RNF150: variants seen among roughly 807,000 people sequenced by gnomAD.
RNF150 encodes ring finger protein 150.
In RNF150, 24 loss-of-function variants were observed where a neutral mutation model predicts 39.3. That is an observed-to-expected ratio of 0.61 (90% CI 0.44 to 0.86). RNF150 has a LOEUF of 0.86. Among genes scored for constraint, RNF150 ranks in the 40% least tolerant of loss-of-function variants. The probability of loss-of-function intolerance (pLI) is 0.00; values close to 1 mark genes in which losing one functional copy is unlikely to be tolerated. For synonymous variants in RNF150, 255 were observed against 227.3 expected (o/e 1.12, Z -1.10); for missense variants, 502 against 587.8 (o/e 0.85, Z 1.51).
At chr4:141,160,405 T>C (rs1727489949) in intron 1 of RNF150, among the ~76,000 whole-genome samples, 1 of 152,224 alleles carries the variant, frequency 6.6e-6, no homozygotes, top group African/African-American at 2.4e-5. Context: ...TGTATATTTG[T>C]ATAAATCTAA....
At chr4:141,004,164 C>T (rs1483304780) in intron 1 of RNF150, among the ~76,000 whole-genome samples, 3 of 149,798 alleles carry the variant, frequency 2.0e-5, no homozygotes, top group Non-Finnish European at 3.0e-5. Context: ...CGAACAACAA[C>T]AACAAAAATA....
intron 1 of RNF150, among the ~76,000 whole-genome samples, chr4:141,044,032 A>G (rs974383981): frequency 2.6e-5 from 4 of 152,178 alleles, no homozygotes; most frequent in African/African-American, 9.6e-5. Context: ...GGGTTGAAGT[A>G]AATGTATTCT....
chr4:141,010,278 A>AT (rs1383917895), intron 1 of RNF150, among the ~76,000 whole-genome samples: 2 of 152,182 alleles, frequency 1.3e-5, no homozygotes, highest in African/African-American at 4.8e-5. Flanking sequence ...AGATCCTTAC[A>AT]TTTTTTAACA....
chr4:140,947,884 AC>A, intron 3 of RNF150, 148 bp from the exon 4 acceptor site: 2 of 549,140 alleles, frequency 3.6e-6, no homozygotes, highest in Non-Finnish European at 3.2e-6. Flanking sequence ...CATCAATTGG[AC>A]TAGTTTCCAT....
chr4:140,974,975 A>G (rs7671053), intron 1 of RNF150, among the ~76,000 whole-genome samples: 146,540 of 152,208 alleles, frequency 0.96, 70,769 homozygotes, highest in East Asian at 1. Flanking sequence ...AGCATTTGAG[A>G]CTGGGCATGG....
chr4:140,879,556 A>C (rs1385419328), intron 6 of RNF150, among the ~76,000 whole-genome samples: 1 of 151,970 alleles, frequency 6.6e-6, no homozygotes, highest in Non-Finnish European at 1.5e-5. Context: ...CTAATCTTTT[A>C]TGTTAATTTT....
At chr4:140,990,298 G>A (rs953431913) in intron 1 of RNF150, among the ~76,000 whole-genome samples, 10 of 152,098 alleles carry the variant, frequency 6.6e-5, no homozygotes, top group South Asian at 2.1e-4. Context: ...AAATGACTCC[G>A]AAGTAAAATA....
At chr4:141,034,398 C>T (rs1349618941) in intron 1 of RNF150, among the ~76,000 whole-genome samples, 1 of 152,264 alleles carries the variant, frequency 6.6e-6, no homozygotes, top group East Asian at 1.9e-4. Flanking sequence ...AATCTTCTAC[C>T]TAGACCACTC....
At chr4:141,080,914 C>G (rs1300604491) in intron 1 of RNF150, among the ~76,000 whole-genome samples, 1 of 152,142 alleles carries the variant, frequency 6.6e-6, no homozygotes, top group African/African-American at 2.4e-5. Context: ...AGCCGGTGGG[C>G]CGAATGTGAG....
chr4:140,909,734 G>C (rs1360963598), intron 6 of RNF150, among the ~76,000 whole-genome samples: 1 of 152,076 alleles, frequency 6.6e-6, no homozygotes, highest in Non-Finnish European at 1.5e-5. Flanking sequence ...TCAAAACAAA[G>C]GGGTCAAAAT....
intron 1 of RNF150, among the ~76,000 whole-genome samples, chr4:141,008,429 C>A (rs1734949419): frequency 6.6e-6 from 1 of 151,904 alleles, no homozygotes; most frequent in Admixed American, 6.6e-5. Flanking sequence ...TAATTAAGTC[C>A]AATTTATTAA....
At chr4:140,889,540 T>C (rs1729688508) in intron 6 of RNF150, among the ~76,000 whole-genome samples, 1 of 152,230 alleles carries the variant, frequency 6.6e-6, no homozygotes, top group South Asian at 2.1e-4. Flanking sequence ...GTTTGGTACC[T>C]CTTTAAAAAT....
At chr4:140,920,422 A>C (rs1046052148) in intron 5 of RNF150, among the ~76,000 whole-genome samples, 1 of 146,156 alleles carries the variant, frequency 6.8e-6, no homozygotes, top group African/African-American at 2.5e-5. Flanking sequence ...TGCAGCCAAA[A>C]AACACATGAA....
At chr4:141,016,619 A>C (rs1183479254) in intron 1 of RNF150, among the ~76,000 whole-genome samples, 1 of 152,252 alleles carries the variant, frequency 6.6e-6, no homozygotes, top group Non-Finnish European at 1.5e-5. Flanking sequence ...GAGTGAAGCC[A>C]GGAACCTGCC....
At chr4:140,951,742 G>T (rs958320982) in intron 2 of RNF150, among the ~76,000 whole-genome samples, 1 of 152,136 alleles carries the variant, frequency 6.6e-6, no homozygotes, top group African/African-American at 2.4e-5. Flanking sequence ...GAAAGGTATT[G>T]AGAAAGGGCT....
chr4:141,177,417 A>G (rs1727832213), intron 1 of RNF150, among the ~76,000 whole-genome samples: 1 of 151,802 alleles, frequency 6.6e-6, no homozygotes, highest in South Asian at 2.1e-4. Flanking sequence ...TGTAAATTTG[A>G]TTATCTCTCT....
At chr4:141,206,313 G>C (rs1204783020) in intron 1 of RNF150, among the ~76,000 whole-genome samples, 1 of 151,458 alleles carries the variant, frequency 6.6e-6, no homozygotes, top group Non-Finnish European at 1.5e-5. Flanking sequence ...CAGCTACTTG[G>C]GAGGCTGAGA....
intron 1 of RNF150, among the ~76,000 whole-genome samples, chr4:141,211,680 G>GT (rs33921054): frequency 0.25 from 36,775 of 148,452 alleles, 4,962 homozygotes; most frequent in East Asian, 0.62. Context: ...AACTTACTTT[G>GT]TTTTTTTTTT....
chr4:141,016,278 A>G (rs1735270000), intron 1 of RNF150, among the ~76,000 whole-genome samples: 1 of 152,214 alleles, frequency 6.6e-6, no homozygotes, highest in African/African-American at 2.4e-5. Context: ...GACCAGACTG[A>G]AGACTGACCG....
Sources: gnomAD v4.1 joint callset for allele counts (sites outside exome capture counted in the v4.1 genomes callset) on GRCh38, gnomAD v4.1.1 for gene constraint, MANE v1.5 for transcripts, NCBI Gene and HGNC (gene_info 2026-07-23, HGNC 2026-07-21) for gene names.